The following ZBTB8A variants were observed in gnomAD, a reference collection of about 807,000 sequenced individuals.
The protein encoded by ZBTB8A is zinc finger and BTB domain containing 8A.
ZBTB8A carries 19 observed loss-of-function variants against 37.8 expected under a neutral mutation model. The ratio of observed to expected loss-of-function variants is 0.50; its 90% CI spans 0.35 to 0.74. The LOEUF (loss-of-function observed/expected upper bound fraction) is 0.74, where lower values mean the gene tolerates loss of function less well. Among genes scored for constraint, ZBTB8A ranks in the 30% least tolerant of loss-of-function variants. The pLI, the probability that ZBTB8A is intolerant of heterozygous loss-of-function variation, is 0.01. For missense variants in ZBTB8A, 394 were observed against 537.8 expected (o/e 0.73, Z 2.65); for synonymous variants, 181 against 185.2 (o/e 0.98, Z 0.19).
intron 2 of ZBTB8A, among the ~76,000 whole-genome samples, chr1:32,580,082 C>T (rs953845486): frequency 1.3e-5 from 2 of 151,780 alleles, no homozygotes; most frequent in African/African-American, 2.4e-5. Flanking sequence ...AAAGGGAGGC[C>T]GGGCATGGTG....
At chr1:32,548,623 C>T (rs1407783922) in intron 1 of ZBTB8A, among the ~76,000 whole-genome samples, 1 of 152,126 alleles carries the variant, frequency 6.6e-6, no homozygotes, top group African/African-American at 2.4e-5. Context: ...CGTGAGCCTC[C>T]TTTCTGTATC....
intron 2 of ZBTB8A, among the ~76,000 whole-genome samples, chr1:32,553,912 AT>A (rs1644178044): frequency 8.3e-6 from 1 of 120,438 alleles, no homozygotes; most frequent in Non-Finnish European, 1.8e-5. Context: ...AAAAGGTAGA[AT>A]TTTGGGCCGG....
At chr1:32,551,319 G>C (rs963895730) in intron 1 of ZBTB8A, among the ~76,000 whole-genome samples, 1 of 152,034 alleles carries the variant, frequency 6.6e-6, no homozygotes, top group Non-Finnish European at 1.5e-5. Context: ...CTACTCAGAA[G>C]GCTAAGGCTG....
rs1644462416 is a variant in ZBTB8A, at chr1:32,588,110, C to T, written c.-1-4821C>T. On this transcript the variant is annotated intron_variant, in intron 2 of 4. Transcript: ENST00000373510. Reference sequence around the variant, plus strand: ...GTATCCTTTGTAATATCCTTTATAACAAACCAAGAAACTTAAGTGTTTTCC... The same window carrying T: ...GTATCCTTTGTAATATCCTTTATAATAAACCAAGAAACTTAAGTGTTTTCC... Among the ~76,000 whole-genome samples, 3 of 152,008 alleles carry T rather than the reference C, an allele frequency of 2.0e-5. No individual in the cohort carries two copies. The South Asian group carries it at 6.2e-4, about 31-fold the overall frequency.
chr1:32,591,656 T>C lies in ZBTB8A; in HGVS notation c.-1-1275T>C, dbSNP rs111489292. 2.3e-3 allele frequency among the ~76,000 whole-genome samples: 344 copies of C among 152,254 alleles called. 1 individual carries two copies. Among genetic ancestry groups the C allele is most frequent in the African/African-American group, 7.8e-3 (324 of 41,558 alleles). On this transcript the variant is annotated intron_variant, in intron 2 of 4. Transcript: ENST00000373510. ...GGCTGGATGCAGTGGCTCATGCCTG[T>C]AATCCTAGCATTTTGGGAGGCTGAG...
intron 2 of ZBTB8A, among the ~76,000 whole-genome samples, chr1:32,573,557 C>CA (rs1277634937): frequency 6.6e-6 from 1 of 150,610 alleles, no homozygotes; most frequent in African/African-American, 2.4e-5. Flanking sequence ...CTTAGATACC[C>CA]AAATAGCTGG....
chr1:32,544,517 C>T (rs1254008542), intron 1 of ZBTB8A, among the ~76,000 whole-genome samples: 1 of 152,178 alleles, frequency 6.6e-6, no homozygotes, highest in Non-Finnish European at 1.5e-5. Flanking sequence ...GCCAACATGG[C>T]AAAACCCCGT....
At chr1:32,554,577 G>A (rs1448179018) in intron 2 of ZBTB8A, among the ~76,000 whole-genome samples, 1 of 151,498 alleles carries the variant, frequency 6.6e-6, no homozygotes, top group East Asian at 1.9e-4. Flanking sequence ...CACCTCCCAG[G>A]TTCAAGCAGT....
intron 2 of ZBTB8A, among the ~76,000 whole-genome samples, chr1:32,563,069 C>T (rs1043471654): frequency 2.0e-5 from 3 of 152,208 alleles, no homozygotes; most frequent in African/African-American, 7.2e-5. Flanking sequence ...CTTTATTTCA[C>T]ATCCTTACAA....
chr1:32,541,021 A>G (rs993134696), intron 1 of ZBTB8A, among the ~76,000 whole-genome samples: 1 of 152,260 alleles, frequency 6.6e-6, no homozygotes, highest in East Asian at 1.9e-4. Flanking sequence ...GGGGCCATCA[A>G]AAACTTTGTA....
At chr1:32,598,673 G>C (rs1461095172) in intron 4 of ZBTB8A, among the ~76,000 whole-genome samples, 2 of 152,092 alleles carry the variant, frequency 1.3e-5, no homozygotes, top group Non-Finnish European at 2.9e-5. Flanking sequence ...ATAATCTACT[G>C]TTCTGACAGC....
intron 2 of ZBTB8A, among the ~76,000 whole-genome samples, chr1:32,579,908 A>G (rs186798096): frequency 7.2e-5 from 11 of 152,348 alleles, no homozygotes; most frequent in Non-Finnish European, 1.5e-5. Flanking sequence ...CTTTATAGAT[A>G]TACAGTATCA....
chr1:32,585,027 C>CT (rs1163697499), intron 2 of ZBTB8A, among the ~76,000 whole-genome samples: 10,425 of 105,590 alleles, frequency 0.099, 718 homozygotes, highest in Non-Finnish European at 0.12. Context: ...TTTCAGATTT[C>CT]TTTTTTTTTT....
chr1:32,541,997 A>G (rs1254193053), intron 1 of ZBTB8A, among the ~76,000 whole-genome samples: 1 of 152,226 alleles, frequency 6.6e-6, no homozygotes, highest in Non-Finnish European at 1.5e-5. Context: ...GGGGTATTAA[A>G]TGCATTTTAA....
At chr1:32,549,475 C>T (rs371663007) in intron 1 of ZBTB8A, among the ~76,000 whole-genome samples, 6 of 146,920 alleles carry the variant, frequency 4.1e-5, no homozygotes, top group African/African-American at 1.3e-4. Flanking sequence ...GCCTGGGCAA[C>T]GAGTAAAACT....
chr1:32,555,810 A>G (rs933551555), intron 2 of ZBTB8A, among the ~76,000 whole-genome samples: 4 of 152,178 alleles, frequency 2.6e-5, no homozygotes, highest in African/African-American at 7.2e-5. Flanking sequence ...GAAATCCAAC[A>G]TACATAAAAC....
intron 4 of ZBTB8A, among the ~76,000 whole-genome samples, chr1:32,598,151 G>C (rs973290969): frequency 6.6e-6 from 1 of 150,952 alleles, no homozygotes; most frequent in South Asian, 2.1e-4. Context: ...TTACACACAG[G>C]ATAATAACTG....
chr1:32,584,706 G>C (rs1644433320), intron 2 of ZBTB8A, among the ~76,000 whole-genome samples: 1 of 151,710 alleles, frequency 6.6e-6, no homozygotes, highest in Non-Finnish European at 1.5e-5. Context: ...TGTTTGTAGA[G>C]ACAGGATCTC....
intron 2 of ZBTB8A, among the ~76,000 whole-genome samples, chr1:32,576,299 A>T (rs924625599): frequency 4.6e-5 from 7 of 152,212 alleles, no homozygotes; most frequent in African/African-American, 1.7e-4. Flanking sequence ...CATGTATATT[A>T]TAAGAACCTT....
Sources: allele counts gnomAD v4.1 joint callset (sites outside exome capture counted in the v4.1 genomes callset), GRCh38; gene constraint gnomAD v4.1.1; transcripts MANE v1.5; gene names NCBI Gene and HGNC (gene_info 2026-07-23, HGNC 2026-07-21).